Variants in PACRG observed in about 807,000 individuals in gnomAD.
The protein encoded by PACRG is parkin coregulated, also known as parkin coregulated gene protein.
In PACRG, 29 loss-of-function variants were observed where a neutral mutation model predicts 29.7. The ratio of observed to expected loss-of-function variants is 0.98; its 90% CI spans 0.73 to 1.33. The LOEUF (loss-of-function observed/expected upper bound fraction) is 1.33, where lower values mean the gene tolerates loss of function less well. Among genes scored for constraint, PACRG ranks in the 40% most tolerant of loss-of-function variants. PACRG has a pLI of 0.00. For synonymous variants in PACRG, 116 were observed against 118.7 expected, an observed-to-expected ratio of 0.98 and a Z score of 0.15; for missense variants, 279 against 316.2, an observed-to-expected ratio of 0.88 and a Z score of 0.89.
intron 2 of PACRG, among the ~76,000 whole-genome samples, chr6:163,008,986 G>T (rs1805377528): frequency 6.6e-6 from 1 of 152,120 alleles, no homozygotes; most frequent in African/African-American, 2.4e-5. Context: ...GTACAAAAGG[G>T]AGGTGACAAT....
rs75128105 is a variant in PACRG at position 162,825,276 on chromosome 6, G to A, written c.291+10995G>A. On this transcript the variant is annotated intron_variant, in intron 2 of 4. Transcript: ENST00000366888. ...TATTTGTGAATTTTAAAGGTTTATCGTGCTTGGGATTCAGTCTGATTTAAG... is the reference window on the plus strand; with the variant it reads ...TATTTGTGAATTTTAAAGGTTTATCATGCTTGGGATTCAGTCTGATTTAAG... 3.8e-3 allele frequency among the ~76,000 whole-genome samples: 575 copies of A among 152,178 alleles called. 4 individuals are homozygous for A. The highest frequency in any genetic ancestry group is 0.013 in the African/African-American group (558 of 41,524).
At position 163,256,955 on chromosome 6, in the gene PACRG, A is replaced by G. The variant is rs565844433; in HGVS notation, c.614-57872A>G. On this transcript the variant is annotated intron_variant, in intron 4 of 4. Coordinates refer to ENST00000366888, the MANE Select transcript of PACRG (RefSeq NM_001080379.2). ...GGAACCCTGGATCCTGGCAGTTGCA[A>G]GCGACCTTTGGTGTTCCTTGGCTCG... Among the ~76,000 whole-genome samples, 5 of 152,218 alleles carry G rather than the reference A, an allele frequency of 3.3e-5. No individual in the cohort carries two copies. In the South Asian group the frequency reaches 8.3e-4, roughly 25 times the overall value.
intron 4 of PACRG, among the ~76,000 whole-genome samples, chr6:163,167,482 A>G (rs1778866285): frequency 6.6e-6 from 1 of 152,204 alleles, no homozygotes; most frequent in African/African-American, 2.4e-5. Flanking sequence ...GAATAATAAA[A>G]TGTAACATAG....
At chr6:163,265,801 GATTTT>G (rs1783510705) in intron 4 of PACRG, among the ~76,000 whole-genome samples, 1 of 152,062 alleles carries the variant, frequency 6.6e-6, no homozygotes, top group Non-Finnish European at 1.5e-5. Flanking sequence ...ATTACATCAG[GATTTT>G]ATTTTAGTGA....
At chr6:163,001,978 G>C (rs938734438) in intron 2 of PACRG, among the ~76,000 whole-genome samples, 1 of 152,070 alleles carries the variant, frequency 6.6e-6, no homozygotes, top group African/African-American at 2.4e-5. Context: ...AAGAGTTAGG[G>C]AACCTGCTTT....
chr6:163,212,829 A>T (rs1258111316), intron 4 of PACRG, among the ~76,000 whole-genome samples: 1 of 150,142 alleles, frequency 6.7e-6, no homozygotes, highest in African/African-American at 2.5e-5. Flanking sequence ...CCCAGGCTGG[A>T]TTGCAGTGGC....
intron 2 of PACRG, among the ~76,000 whole-genome samples, chr6:162,938,237 T>A (rs776925638): frequency 3.3e-5 from 5 of 152,228 alleles, no homozygotes; most frequent in Non-Finnish European, 1.5e-5. Context: ...ATTCATTCCT[T>A]TTTTATGGAT....
intron 2 of PACRG, among the ~76,000 whole-genome samples, chr6:163,036,791 A>G (rs1457687417): frequency 1.3e-5 from 2 of 152,148 alleles, no homozygotes; most frequent in Non-Finnish European, 2.9e-5. Flanking sequence ...GAGTGAATTA[A>G]CTAAAGAGCA....
chr6:162,912,933 A>G (rs1439770264), intron 2 of PACRG, among the ~76,000 whole-genome samples: 2 of 152,104 alleles, frequency 1.3e-5, no homozygotes, highest in Non-Finnish European at 2.9e-5. Flanking sequence ...AAAAAAAAAA[A>G]AAACAAAATT....
At chr6:163,127,241 G>T (rs1238330551) in intron 4 of PACRG, among the ~76,000 whole-genome samples, 1 of 152,208 alleles carries the variant, frequency 6.6e-6, no homozygotes, top group Non-Finnish European at 1.5e-5. Flanking sequence ...AACTTTTCTC[G>T]AAGGCATCAT....
At chr6:163,053,778 G>C (rs910445222) in intron 2 of PACRG, 15 of 152,042 alleles carry the variant, frequency 9.9e-5, no homozygotes, top group Admixed American at 7.2e-4. Context: ...GCCGACCCTC[G>C]GTGCAGCTGC....
chr6:162,759,379 G>T (rs1242874446), intron 1 of PACRG, among the ~76,000 whole-genome samples: 1 of 152,144 alleles, frequency 6.6e-6, no homozygotes, highest in Non-Finnish European at 1.5e-5. Context: ...ATGGCTGTAG[G>T]TTATGTGAGC....
chr6:163,099,965 A>G (rs1814943319), intron 4 of PACRG, among the ~76,000 whole-genome samples: 1 of 152,016 alleles, frequency 6.6e-6, no homozygotes, highest in South Asian at 2.1e-4. Context: ...CCCAGCGCGG[A>G]CGGGCTCCGG....
chr6:162,966,499 C>T (rs1205910540), intron 2 of PACRG, among the ~76,000 whole-genome samples: 15 of 133,542 alleles, frequency 1.1e-4, no homozygotes, highest in South Asian at 4.6e-4. Context: ...TTTTTTGAGG[C>T]GGAGTCTCAC....
At position 163,024,339 on chromosome 6, in the gene PACRG, C is replaced by A. The variant is rs1387430446; in HGVS notation, c.292-37811C>A. Among the ~76,000 whole-genome samples the A allele has an allele frequency of 2.6e-5, 4 of 152,116 alleles. No homozygotes were observed. In the East Asian group the frequency reaches 7.7e-4, roughly 29 times the overall value. On this transcript the variant is annotated intron_variant, in intron 2 of 4. Coordinates refer to ENST00000366888, the MANE Select transcript of PACRG (RefSeq NM_001080379.2). Reference sequence around the variant, plus strand: ...TATTTATTGAATAGATAGTCCTTTCCCCATTGCTTGTTTTCATTGGCCTTG... The same window carrying A: ...TATTTATTGAATAGATAGTCCTTTCACCATTGCTTGTTTTCATTGGCCTTG...
At chr6:162,820,613 T>C (rs940117353) in intron 2 of PACRG, among the ~76,000 whole-genome samples, 1 of 151,462 alleles carries the variant, frequency 6.6e-6, no homozygotes, top group African/African-American at 2.4e-5. Flanking sequence ...CTTGGTACCT[T>C]CAATTTCTTA....
chr6:163,267,704 A>T (rs1783582676), intron 4 of PACRG, among the ~76,000 whole-genome samples: 1 of 152,234 alleles, frequency 6.6e-6, no homozygotes, highest in African/African-American at 2.4e-5. Flanking sequence ...AAAATGGTTT[A>T]TTCTTAGAAC....
intron 2 of PACRG, among the ~76,000 whole-genome samples, chr6:162,996,959 T>G (rs1804123995): frequency 6.6e-6 from 1 of 152,162 alleles, no homozygotes; most frequent in South Asian, 2.1e-4. Context: ...AGGGAGACAT[T>G]ATGTTGTCTC....
At chr6:163,127,186 C>G (rs2146923) in intron 4 of PACRG, among the ~76,000 whole-genome samples, 39,767 of 152,134 alleles carry the variant, frequency 0.26, 6,780 homozygotes, top group Non-Finnish European at 0.37. Flanking sequence ...AGAGCTCTGC[C>G]CAGCTCTGAC....
Sources: allele counts gnomAD v4.1 joint callset (sites outside exome capture counted in the v4.1 genomes callset), GRCh38; gene constraint gnomAD v4.1.1; transcripts MANE v1.5; gene names NCBI Gene and HGNC (gene_info 2026-07-23, HGNC 2026-07-21).